Variants in NEXMIF observed in about 807,000 individuals in gnomAD.
NEXMIF encodes the protein XLMR protein related to neurite extension.
Under a neutral mutation model 62.1 loss-of-function variants are expected in NEXMIF, and 8 were observed. That is an observed-to-expected ratio of 0.13 (90% CI 0.08 to 0.23). The LOEUF is 0.23. NEXMIF is among the 10% of genes least tolerant of loss of function. The probability of loss-of-function intolerance (pLI) is 1.00; values close to 1 mark genes in which losing one functional copy is unlikely to be tolerated. For synonymous variants in NEXMIF, 404 were observed against 416.6 expected, an observed-to-expected ratio of 0.97 and a Z score of 0.37; for missense variants, 976 against 1,113.3, an observed-to-expected ratio of 0.88 and a Z score of 1.75.
chrX:74,872,468 C>G (rs1471444695), intron 1 of NEXMIF, among the ~76,000 whole-genome samples: 2 of 108,235 alleles, frequency 1.8e-5, no homozygotes, highest in Non-Finnish European at 3.8e-5. Flanking sequence ...GGGGAAATGA[C>G]AGTTAGTGGT....
chrX:74,883,732 C>A (rs1264832006), intron 1 of NEXMIF, among the ~76,000 whole-genome samples: 4 of 111,982 alleles, frequency 3.6e-5, no homozygotes, highest in Non-Finnish European at 5.6e-5. Context: ...GCAGGATATT[C>A]TCCAGGAGAA....
chrX:74,826,341 T>C (rs995261207), intron 1 of NEXMIF, among the ~76,000 whole-genome samples: 2 of 112,291 alleles, frequency 1.8e-5, no homozygotes, highest in Non-Finnish European at 3.8e-5. Context: ...TCACATACTT[T>C]GCCCACTTTT....
At chrX:74,876,204 T>C (rs1297613327) in intron 1 of NEXMIF, among the ~76,000 whole-genome samples, 2 of 111,389 alleles carry the variant, frequency 1.8e-5, no homozygotes, top group Non-Finnish European at 3.8e-5. Context: ...TTGTTCTCGT[T>C]GGTTTCAAAG....
At chrX:74,823,030 C>T (rs1388840828) in intron 1 of NEXMIF, among the ~76,000 whole-genome samples, 1 of 111,961 alleles carries the variant, frequency 8.9e-6, no homozygotes, top group Non-Finnish European at 1.9e-5. Flanking sequence ...CAAAAAGGAA[C>T]GAAGTACACA....
intron 1 of NEXMIF, among the ~76,000 whole-genome samples, chrX:74,786,342 G>A (rs781268369): frequency 3.4e-4 from 38 of 111,043 alleles, no homozygotes; most frequent in African/African-American, 1.1e-3. Flanking sequence ...GTGGAGGGTG[G>A]GTATACAAGT....
chrX:74,824,131 T>C (rs2080406734), intron 1 of NEXMIF, among the ~76,000 whole-genome samples: 1 of 111,524 alleles, frequency 9.0e-6, no homozygotes, highest in Non-Finnish European at 1.9e-5. Context: ...CAAGGAACAA[T>C]AAAATCTAAG....
chrX:74,862,367 T>G (rs1329021929), intron 1 of NEXMIF, among the ~76,000 whole-genome samples: 1 of 109,556 alleles, frequency 9.1e-6, no homozygotes, highest in Non-Finnish European at 1.9e-5. Context: ...ACAAAGAGAC[T>G]TACACTCCCA....
intron 1 of NEXMIF, among the ~76,000 whole-genome samples, chrX:74,804,513 T>C (rs1183382378): frequency 8.9e-6 from 1 of 111,861 alleles, no homozygotes; most frequent in African/African-American, 3.3e-5. Context: ...TGTCCTTCCC[T>C]TGAAGGCAGC....
chrX:74,754,019 T>A (rs1399933285), intron 1 of NEXMIF, among the ~76,000 whole-genome samples: 1 of 112,068 alleles, frequency 8.9e-6, no homozygotes, highest in Non-Finnish European at 1.9e-5. Context: ...TGGAGTGCAG[T>A]GGTGTGATCT....
At chrX:74,867,542 C>A (rs971974218) in intron 1 of NEXMIF, among the ~76,000 whole-genome samples, 5 of 112,142 alleles carry the variant, frequency 4.5e-5, no homozygotes, top group African/African-American at 1.6e-4. Flanking sequence ...AGAAAGGAAT[C>A]CTTATTCAAT....
chrX:74,800,450 T>C (rs2080326232), intron 1 of NEXMIF, among the ~76,000 whole-genome samples: 1 of 110,856 alleles, frequency 9.0e-6, no homozygotes, highest in Non-Finnish European at 1.9e-5. Context: ...ATAGTAAAAA[T>C]AATTTTTCAT....
intron 1 of NEXMIF, among the ~76,000 whole-genome samples, chrX:74,850,968 A>T (rs2080511177): frequency 9.0e-6 from 1 of 111,041 alleles, no homozygotes; most frequent in South Asian, 3.8e-4. Flanking sequence ...AGCACAAAAA[A>T]ATCAGAAAAA....
chrX:74,917,919 CTT>C (rs1328852115), intron 1 of NEXMIF, among the ~76,000 whole-genome samples: 1 of 111,423 alleles, frequency 9.0e-6, no homozygotes, highest in African/African-American at 3.3e-5. Context: ...GGAAACTAGT[CTT>C]GACGTTTTTG....
At chrX:74,815,189 ATT>A (rs1463522546) in intron 1 of NEXMIF, among the ~76,000 whole-genome samples, 2 of 112,023 alleles carry the variant, frequency 1.8e-5, no homozygotes, top group East Asian at 5.6e-4. Context: ...TGAATTTTTT[ATT>A]TTATGTATCA....
chrX:74,893,579 G>A (rs1038794673), intron 1 of NEXMIF, among the ~76,000 whole-genome samples: 1 of 112,211 alleles, frequency 8.9e-6, no homozygotes, highest in East Asian at 2.8e-4. Context: ...AGGAGAGAAA[G>A]AAGAGATAAA....
intron 1 of NEXMIF, among the ~76,000 whole-genome samples, chrX:74,756,403 A>G (rs1027144892): frequency 8.9e-6 from 1 of 112,000 alleles, no homozygotes; most frequent in African/African-American, 3.2e-5. Flanking sequence ...GAAAATTTCA[A>G]TAATTCCACA....
At chrX:74,844,953 C>T (rs894288094) in intron 1 of NEXMIF, among the ~76,000 whole-genome samples, 4 of 112,188 alleles carry the variant, frequency 3.6e-5, no homozygotes, top group African/African-American at 1.3e-4. Context: ...CTAGGGCTTG[C>T]CCTGATTGAT....
intron 1 of NEXMIF, among the ~76,000 whole-genome samples, chrX:74,812,884 A>T (rs1354231533): frequency 8.9e-6 from 1 of 112,062 alleles, no homozygotes; most frequent in Non-Finnish European, 1.9e-5. Context: ...TTCCAAGATC[A>T]GTGCAACTGC....
intron 1 of NEXMIF, among the ~76,000 whole-genome samples, chrX:74,860,526 C>T (rs1348321745): frequency 8.9e-6 from 1 of 111,907 alleles, no homozygotes; most frequent in Non-Finnish European, 1.9e-5. Flanking sequence ...AGTCTTAAAA[C>T]ATTCAAAAAT....
Sources: allele counts gnomAD v4.1 joint callset (sites outside exome capture counted in the v4.1 genomes callset), GRCh38; gene constraint gnomAD v4.1.1; transcripts MANE v1.5; gene names NCBI Gene and HGNC (gene_info 2026-07-23, HGNC 2026-07-21).